APOC4: variants seen among roughly 807,000 people sequenced by gnomAD.
APOC4 encodes apolipoprotein C4, also known as apolipoprotein C-IV.
APOC4 carries 10 observed loss-of-function variants against 8.4 expected under a neutral mutation model. That is an observed-to-expected ratio of 1.19 (90% CI 0.74 to 2.03). The LOEUF (loss-of-function observed/expected upper bound fraction) is 2.03. Ranked by LOEUF, APOC4 falls within the 30% of genes most tolerant of loss-of-function variation. The pLI, the probability that APOC4 is intolerant of heterozygous loss-of-function variation, is 0.00. For missense variants in APOC4, 160 were observed against 156.1 expected (o/e 1.02, Z -0.13); for synonymous variants, 59 against 65.8 (o/e 0.90, Z 0.50).
chr19:44,944,521 T>A (rs1380651326), intron 1 of APOC4, among the ~76,000 whole-genome samples: 1 of 148,916 alleles, frequency 6.7e-6, no homozygotes, highest in East Asian at 2.0e-4. Flanking sequence ...AGCAAGAGAC[T>A]GACTCTGTCT....
intron 1 of APOC4, 135 bp downstream of exon 1, chr19:44,942,488 C>A: frequency 2.8e-6 from 2 of 720,258 alleles, no homozygotes; most frequent in Non-Finnish European, 2.2e-6. Flanking sequence ...TATGCATGTG[C>A]GTGTCGGGGA....
At chr19:44,943,079 G>A (rs1425899922) in intron 1 of APOC4, among the ~76,000 whole-genome samples, 2 of 152,222 alleles carry the variant, frequency 1.3e-5, no homozygotes, top group African/African-American at 2.4e-5. Flanking sequence ...CCACCACCAC[G>A]CCTGGCTAAT....
chr19:44,943,283 G>C (rs1439800330), intron 1 of APOC4, among the ~76,000 whole-genome samples: 1 of 151,598 alleles, frequency 6.6e-6, no homozygotes, highest in African/African-American at 2.4e-5. Context: ...TGCCCAGGCT[G>C]GTCTTGAAAT....
intron 2 of APOC4, 123 bp from the exon 3 acceptor site, chr19:44,945,017 G>A (rs1774677586): frequency 6.6e-7 from 1 of 1,525,038 alleles, no homozygotes; most frequent in Non-Finnish European, 8.8e-7. Flanking sequence ...CCCTAGGTCT[G>A]GGAGGAGTGG....
At chr19:44,943,810 C>CA (rs1394323925) in intron 1 of APOC4, among the ~76,000 whole-genome samples, 5 of 152,170 alleles carry the variant, frequency 3.3e-5, no homozygotes. Flanking sequence ...TCTTAATTCT[C>CA]ACGATAACCC....
At position 44,942,328 on chromosome 19, in the gene APOC4, C is replaced by T. The variant is rs764411553; in HGVS notation, c.51C>T (p.Cys17=). The T allele has an allele frequency of 2.1e-5, 34 of 1,613,630 alleles. No individual in the cohort carries two copies. Among genetic ancestry groups the T allele is most frequent in the Middle Eastern group, 3.3e-4 (2 of 6,082 alleles). The part of the protein sequence containing the change: ...RLQALPALCL[C]VLVLACIGAC... ...AGGCCCTGCCTGCCCTGTGCCTCTG[C>T]GTGCTGGTCCTGGCCTGCATTGGGG... The change falls in exon 1 of 3, where the codon TGC becomes TGT. Residue 17 remains cysteine (C), a synonymous_variant. Transcript: ENST00000592954.
chr19:44,942,341 G>A lies in APOC4; in HGVS notation c.64G>A (p.Ala22Thr). 1.2e-6 allele frequency: 2 copies of A among 1,613,748 alleles called. No homozygotes were observed. Among genetic ancestry groups the A allele is most frequent in the Non-Finnish European group, 1.7e-6 (2 of 1,179,852 alleles). ...CCTGTGCCTCTGCGTGCTGGTCCTG[G>A]CCTGCATTGGGGGTGAGAAGAAGTG... ...PALCLCVLVL[A>T]CIGACQPEAQ... Residue 22 changes from alanine to threonine, a missense_variant, in exon 1 of 3, where the codon GCC becomes ACC. By Grantham distance (58) the Ala-to-Thr change is moderately conservative. Coordinates refer to ENST00000592954, the MANE Select transcript of APOC4 (RefSeq NM_001646.3).
intron 1 of APOC4, 58 bp downstream of exon 1, chr19:44,942,411 T>A: frequency 1.3e-6 from 2 of 1,553,852 alleles, no homozygotes; most frequent in South Asian, 2.3e-5. Context: ...TGAGTGTGGC[T>A]GTGTGTCCTG....
intron 1 of APOC4, among the ~76,000 whole-genome samples, chr19:44,942,666 G>A (rs1187206817): frequency 1.3e-5 from 2 of 151,898 alleles, no homozygotes; most frequent in African/African-American, 4.9e-5. Flanking sequence ...TCTCTGTGGG[G>A]TATGTGTGTG....
At chr19:44,942,757 T>C (rs568137122) in intron 1 of APOC4, among the ~76,000 whole-genome samples, 1 of 151,702 alleles carries the variant, frequency 6.6e-6, no homozygotes, top group South Asian at 2.1e-4. Flanking sequence ...TATGCATTTT[T>C]TTTTTTTTTT....
At chr19:44,942,890 A>G (rs1041242196) in intron 1 of APOC4, among the ~76,000 whole-genome samples, 10 of 149,030 alleles carry the variant, frequency 6.7e-5, no homozygotes, top group Non-Finnish European at 1.2e-4. Flanking sequence ...TCTTCAGAGT[A>G]TTTGGGACTA....
chr19:44,944,403 T>C (rs1970292670), intron 1 of APOC4, among the ~76,000 whole-genome samples: 1 of 151,982 alleles, frequency 6.6e-6, no homozygotes, highest in South Asian at 2.1e-4. Context: ...GGCAGATGCC[T>C]GTAATCCCTG....
At chr19:44,944,657 C>T (rs1970295997) in intron 1 of APOC4, 92 bp from the exon 2 acceptor site, 3 of 1,462,930 alleles carry the variant, frequency 2.1e-6, no homozygotes, top group African/African-American at 2.8e-5. Context: ...GCCCCTGGGC[C>T]ACCGGGAGCG....
At chr19:44,943,360 C>T (rs988336887) in intron 1 of APOC4, among the ~76,000 whole-genome samples, 8 of 151,708 alleles carry the variant, frequency 5.3e-5, no homozygotes, top group African/African-American at 1.9e-4. Flanking sequence ...TGAGCCACCA[C>T]GCCCGGCCAT....
chr19:44,945,173 C>T lies in APOC4; in HGVS notation c.252C>T (p.Thr84=). 1 of 1,614,078 alleles carries T rather than the reference C, an allele frequency of 6.2e-7. No homozygotes were observed. Among genetic ancestry groups the T allele is most frequent in the Non-Finnish European group, 8.5e-7 (1 of 1,180,014 alleles). ...GCACCTTCCGGGGCTTCATGCAGAC[C>T]TACTATGACGACCACCTGAGGGACC... ...SPSTFRGFMQ[T]YYDDHLRDLG... Residue 84 remains threonine (T), a synonymous_variant, in exon 3 of 3, where the codon ACC becomes ACT. Coordinates refer to ENST00000592954, the MANE Select transcript of APOC4 (RefSeq NM_001646.3).
At chr19:44,942,457 G>C (rs1970269464) in intron 1 of APOC4, 104 bp downstream of exon 1, 1 of 1,153,092 alleles carries the variant, frequency 8.7e-7, no homozygotes, top group Non-Finnish European at 1.2e-6. Context: ...AGTACGGAGT[G>C]TGTGCGTTTC....
At chr19:44,942,749 T>C (rs1970273464) in intron 1 of APOC4, among the ~76,000 whole-genome samples, 3 of 151,254 alleles carry the variant, frequency 2.0e-5, no homozygotes, top group Admixed American at 6.6e-5. Flanking sequence ...GTTTTGCATA[T>C]GCATTTTTTT....
chr19:44,942,395 T>C (rs775783803), intron 1 of APOC4, 42 bp downstream of exon 1: 8 of 1,592,906 alleles, frequency 5.0e-6, no homozygotes, highest in Non-Finnish European at 5.1e-6. Flanking sequence ...CCACACCTGG[T>C]GGGTGTGAGT....
intron 1 of APOC4, among the ~76,000 whole-genome samples, chr19:44,943,372 T>G (rs946985654): frequency 1.3e-5 from 2 of 150,384 alleles, no homozygotes; most frequent in African/African-American, 4.9e-5. Flanking sequence ...CCCGGCCATG[T>G]ACTTTATGTT....
Sources: gnomAD v4.1 joint callset for allele counts (sites outside exome capture counted in the v4.1 genomes callset) on GRCh38, gnomAD v4.1.1 for gene constraint, MANE v1.5 for transcripts, NCBI Gene and HGNC (gene_info 2026-07-23, HGNC 2026-07-21) for gene names.